The following CEP112 variants were observed in gnomAD, a reference collection of about 807,000 sequenced individuals.
CEP112 encodes the protein centrosomal protein of 112 kDa.
Under a neutral mutation model 153.0 loss-of-function variants are expected in CEP112, and 127 were observed. That is an observed-to-expected ratio of 0.83 (90% CI 0.72 to 0.96). CEP112 has a LOEUF of 0.96. Ranked by LOEUF, CEP112 falls within the 40% of genes least tolerant of loss-of-function variation. The pLI is 0.00. For synonymous variants in CEP112, 358 were observed against 374.4 expected (o/e 0.96, Z 0.51); for missense variants, 1,089 against 1,101.2 (o/e 0.99, Z 0.16).
rs187021993 is a variant in CEP112, at chr17:66,162,718, T to C, written c.470+12326A>G. Among the ~76,000 whole-genome samples the C allele has an allele frequency of 9.9e-4, 151 of 152,252 alleles. 2 individuals are homozygous for C. Among genetic ancestry groups the C allele is most frequent in the African/African-American group, 3.5e-3 (145 of 41,568 alleles). On this transcript the variant is annotated intron_variant, in intron 4 of 26. Transcript: ENST00000535342. ...TGAAAACGAATCTATGGTAACATAA[T>C]ACAGAATAGTGGTTCCTTCTTCAAG...
At chr17:65,987,656 G>A (rs947386029) in intron 17 of CEP112, among the ~76,000 whole-genome samples, 6 of 150,756 alleles carry the variant, frequency 4.0e-5, no homozygotes, top group Admixed American at 6.6e-5. Flanking sequence ...AGACAGCACT[G>A]AGATTATCAC....
chr17:65,795,991 C>T (rs1380424958), intron 21 of CEP112, among the ~76,000 whole-genome samples: 1 of 152,100 alleles, frequency 6.6e-6, no homozygotes, highest in Non-Finnish European at 1.5e-5. Context: ...TTTGCCCTGG[C>T]CACACGGGGT....
intron 4 of CEP112, among the ~76,000 whole-genome samples, chr17:66,158,785 A>C (rs2071562796): frequency 6.6e-6 from 1 of 152,180 alleles, no homozygotes; most frequent in East Asian, 1.9e-4. Flanking sequence ...CATCACAATT[A>C]AAAGAACTAG....
At chr17:65,854,696 T>C (rs1373685936) in intron 20 of CEP112, among the ~76,000 whole-genome samples, 1 of 152,238 alleles carries the variant, frequency 6.6e-6, no homozygotes, top group African/African-American at 2.4e-5. Context: ...TTATTTTTTC[T>C]TCAGGAAATC....
intron 18 of CEP112, among the ~76,000 whole-genome samples, chr17:65,946,053 T>C (rs2061639704): frequency 6.6e-6 from 1 of 152,194 alleles, no homozygotes; most frequent in Non-Finnish European, 1.5e-5. Context: ...CCTTATTGAT[T>C]CACAGTTCTT....
intron 18 of CEP112, among the ~76,000 whole-genome samples, chr17:65,954,511 A>C (rs2061941939): frequency 6.6e-6 from 1 of 152,198 alleles, no homozygotes; most frequent in Admixed American, 6.5e-5. Flanking sequence ...GCCAAGATGA[A>C]ATCTCTGAAT....
intron 1 of CEP112, among the ~76,000 whole-genome samples, chr17:66,185,966 C>G (rs1007303338): frequency 3.3e-5 from 5 of 152,120 alleles, no homozygotes; most frequent in African/African-American, 4.8e-5. Context: ...CTTTTACTTG[C>G]TGACTTTACT....
At chr17:65,751,826 G>A (rs2051870633) in intron 21 of CEP112, among the ~76,000 whole-genome samples, 1 of 152,116 alleles carries the variant, frequency 6.6e-6, no homozygotes, top group Non-Finnish European at 1.5e-5. Context: ...CACAGAGAGG[G>A]TAAGTAACTT....
intron 1 of CEP112, among the ~76,000 whole-genome samples, chr17:66,189,347 C>CA (rs1027331556): frequency 8.6e-5 from 13 of 151,316 alleles, no homozygotes; most frequent in Admixed American, 4.6e-4. Flanking sequence ...CTAAAAATAC[C>CA]AAAAAAATTA....
intron 16 of CEP112, among the ~76,000 whole-genome samples, chr17:66,006,110 C>T (rs978582621): frequency 6.6e-6 from 1 of 152,046 alleles, no homozygotes; most frequent in African/African-American, 2.4e-5. Context: ...ATACAATAAA[C>T]AATGTGTCTA....
intron 4 of CEP112, among the ~76,000 whole-genome samples, chr17:66,167,977 T>C (rs2072050538): frequency 6.6e-6 from 1 of 152,214 alleles, no homozygotes; most frequent in South Asian, 2.1e-4. Context: ...TCCACAAACA[T>C]TTATTTACTA....
At chr17:65,937,542 C>G (rs2061365025) in intron 18 of CEP112, among the ~76,000 whole-genome samples, 1 of 119,050 alleles carries the variant, frequency 8.4e-6, no homozygotes, top group Non-Finnish European at 1.8e-5. Context: ...TCTGCCCGGC[C>G]AGCCGCCCCG....
chr17:65,733,319 C>A (rs908152156), intron 23 of CEP112, among the ~76,000 whole-genome samples: 2 of 152,128 alleles, frequency 1.3e-5, no homozygotes, highest in African/African-American at 4.8e-5. Flanking sequence ...TCGAAGATCA[C>A]TGATAACAGA....
chr17:66,114,134 C>T (rs189189829), intron 6 of CEP112, among the ~76,000 whole-genome samples: 4 of 152,228 alleles, frequency 2.6e-5, no homozygotes, highest in South Asian at 4.1e-4. Context: ...TTCAATGGCA[C>T]GAATAAATAA....
chr17:66,149,087 T>C (rs2071049171), intron 4 of CEP112, among the ~76,000 whole-genome samples: 1 of 152,212 alleles, frequency 6.6e-6, no homozygotes, highest in South Asian at 2.1e-4. Context: ...AAGATGATTG[T>C]GTGAGGGTTT....
At chr17:65,987,775 A>G (rs762953132) in intron 17 of CEP112, among the ~76,000 whole-genome samples, 13 of 152,138 alleles carry the variant, frequency 8.5e-5, no homozygotes, top group Non-Finnish European at 1.8e-4. Flanking sequence ...CCATGTATAC[A>G]ATGTCCCTCC....
intron 6 of CEP112, among the ~76,000 whole-genome samples, chr17:66,118,469 A>C (rs1428165812): frequency 6.6e-6 from 1 of 152,140 alleles, no homozygotes; most frequent in Non-Finnish European, 1.5e-5. Context: ...CAAATATCAC[A>C]TGTTCTCACT....
At chr17:66,135,038 C>G (rs1278511737) in intron 4 of CEP112, among the ~76,000 whole-genome samples, 1 of 152,128 alleles carries the variant, frequency 6.6e-6, no homozygotes, top group Non-Finnish European at 1.5e-5. Flanking sequence ...AAATCTACAT[C>G]TATAGTCCAA....
intron 22 of CEP112, among the ~76,000 whole-genome samples, chr17:65,747,799 G>A (rs182755586): frequency 5.3e-5 from 8 of 152,152 alleles, no homozygotes; most frequent in East Asian, 1.9e-4. Context: ...CAGTGTACAC[G>A]GTCTATTAGG....
Sources: allele counts gnomAD v4.1 joint callset (sites outside exome capture counted in the v4.1 genomes callset), GRCh38; gene constraint gnomAD v4.1.1; transcripts MANE v1.5; gene names NCBI Gene and HGNC (gene_info 2026-07-23, HGNC 2026-07-21).